OSBPL9: variants seen among roughly 807,000 people sequenced by gnomAD.
OSBPL9 encodes oxysterol-binding protein-related protein 9.
OSBPL9 carries 40 observed loss-of-function variants against 106.6 expected under a neutral mutation model. The observed-to-expected ratio is 0.38, with a 90% confidence interval of 0.29 to 0.49. OSBPL9 has a LOEUF of 0.49. OSBPL9 is among the 20% of genes least tolerant of loss of function. The pLI, the probability that OSBPL9 is intolerant of heterozygous loss-of-function variation, is 0.97. For synonymous variants in OSBPL9, 269 were observed against 295.4 expected (o/e 0.91, Z 0.92); for missense variants, 609 against 887.2 (o/e 0.69, Z 3.98).
At chr1:51,756,422 A>G (rs1217192364) in intron 9 of OSBPL9, 64 bp downstream of exon 9, 1 of 1,492,036 alleles carries the variant, frequency 6.7e-7, no homozygotes, top group African/African-American at 1.4e-5. Context: ...CAGTCATATC[A>G]GGAGAAGCCT....
chr1:51,735,580 A>G (rs1255614954), intron 4 of OSBPL9, among the ~76,000 whole-genome samples: 1 of 152,194 alleles, frequency 6.6e-6, no homozygotes, highest in Non-Finnish European at 1.5e-5. Flanking sequence ...GCTTGAATCA[A>G]TTATTTGTAG....
In OSBPL9 at chr1:51,729,826, AG is replaced by A; in HGVS notation, c.319-15705del. 1 of 1,165,370 alleles carries A rather than the reference AG, an allele frequency of 8.6e-7. No individual in the cohort carries two copies. The highest frequency in any genetic ancestry group is 1.1e-6 in the Non-Finnish European group (1 of 926,914). 72.2% of individuals were successfully genotyped at this position (1,165,370 alleles called of 1,614,324 possible). A position where few individuals can be genotyped will look rare whatever the true frequency, so the allele number is the denominator to read the frequency against. On this transcript the variant is annotated intron_variant, in intron 4 of 23. Coordinates refer to ENST00000428468, the MANE Select transcript of OSBPL9 (RefSeq NM_024586.6). This position sits in a 1 kb window ranked among gnomAD's most constrained non-coding sequence, Gnocchi z 5.1. ...AAGGGGTGGGGGGTGAAGGGGGTGAAGGGGGTGTCCCGGGGGACGGGCTGAA... is the reference window on the plus strand; with the variant it reads ...AAGGGGTGGGGGGTGAAGGGGGTGAAGGGGTGTCCCGGGGGACGGGCTGAA...
intron 1 of OSBPL9, among the ~76,000 whole-genome samples, chr1:51,622,483 C>T (rs191581674): frequency 9.9e-5 from 15 of 152,272 alleles, no homozygotes; most frequent in Admixed American, 7.2e-4. Flanking sequence ...TCATAGTTTT[C>T]GTGGGTCAGA....
chr1:51,711,745 C>T (rs1306333528), intron 3 of OSBPL9, among the ~76,000 whole-genome samples: 5 of 149,112 alleles, frequency 3.4e-5, no homozygotes, highest in South Asian at 2.1e-4. Context: ...GGGTCACGGC[C>T]GGGCAGAGGC....
chr1:51,657,324 C>T (rs1034010504), intron 2 of OSBPL9, among the ~76,000 whole-genome samples: 2 of 152,090 alleles, frequency 1.3e-5, no homozygotes, highest in Non-Finnish European at 2.9e-5. Flanking sequence ...GAGAAAGGGA[C>T]CATAGAGGAA....
At chr1:51,709,312 CCATG>C (rs1659314409) in intron 3 of OSBPL9, 3 of 217,336 alleles carry the variant, frequency 1.4e-5, no homozygotes, top group Non-Finnish European at 2.9e-5. Flanking sequence ...CACTGCTTCC[CCATG>C]CAAGCCCTCA....
At chr1:51,666,427 T>TA (rs200182999) in intron 2 of OSBPL9, among the ~76,000 whole-genome samples, 1,699 of 152,306 alleles carry the variant, frequency 0.011, 30 homozygotes, top group African/African-American at 0.037. Context: ...TTTAAAAATT[T>TA]AAAATATTAA....
the OSBPL9 span, among the ~76,000 whole-genome samples, chr1:51,518,698 G>C: frequency 6.6e-6 from 1 of 152,148 alleles, no homozygotes; most frequent in African/African-American, 2.4e-5. Context: ...ACTGGCTTGG[G>C]GGGCCTGCGC....
the OSBPL9 span, among the ~76,000 whole-genome samples, chr1:51,535,169 G>C: frequency 1.3e-5 from 2 of 152,174 alleles, no homozygotes; most frequent in African/African-American, 4.8e-5. Context: ...CAAATTGCGT[G>C]CAGCATCATT....
chr1:51,521,478 A>T, the OSBPL9 span, among the ~76,000 whole-genome samples: 6 of 152,354 alleles, frequency 3.9e-5, no homozygotes, highest in Non-Finnish European at 7.3e-5. Flanking sequence ...TCAGAGTGTG[A>T]CCGCAGGCAA....
chr1:51,661,617 A>G (rs939328104), intron 2 of OSBPL9, among the ~76,000 whole-genome samples: 6 of 152,190 alleles, frequency 3.9e-5, no homozygotes, highest in African/African-American at 1.4e-4. Flanking sequence ...TGAAAGATGT[A>G]TATGTTTATT....
chr1:51,525,079 A>G, the OSBPL9 span, among the ~76,000 whole-genome samples: 2 of 152,210 alleles, frequency 1.3e-5, no homozygotes, highest in African/African-American at 2.4e-5. Context: ...CATGAGTGTC[A>G]ACAGAAGACT....
intron 1 of OSBPL9, among the ~76,000 whole-genome samples, chr1:51,636,637 C>A (rs1008739531): frequency 6.6e-6 from 1 of 151,964 alleles, no homozygotes; most frequent in Middle Eastern, 3.2e-3. Flanking sequence ...CACACCCAAC[C>A]CAAATTGTCT....
In OSBPL9 at chr1:51,755,596, G is replaced by A. The variant is rs115302260; in HGVS notation, c.544-724G>A. Among the ~76,000 whole-genome samples the A allele has an allele frequency of 4.5e-3, 682 of 152,286 alleles. 7 individuals carry two copies. Among genetic ancestry groups the A allele is most frequent in the African/African-American group, 0.016 (654 of 41,564 alleles). On this transcript the variant is annotated intron_variant, in intron 8 of 23. Transcript: ENST00000428468. ...CAAGCCACAGCTGCCAGTTCGCCAC[G>A]CGATCACAAGGGTAGCCAGCTGAAA... is the stretch of plus-strand genomic sequence containing the variant.
At chr1:51,655,677 A>G (rs915462716) in intron 2 of OSBPL9, among the ~76,000 whole-genome samples, 11 of 152,202 alleles carry the variant, frequency 7.2e-5, no homozygotes, top group Admixed American at 5.2e-4. Flanking sequence ...TCTGCCTACT[A>G]CACAGCATGA....
rs1677933985 is a variant in OSBPL9, at chr1:51,787,395, T to G, written c.2043T>G (p.Ile681Met). The G allele has an allele frequency of 6.2e-7, 1 of 1,613,888 alleles. No homozygotes were observed. Among genetic ancestry groups the G allele is most frequent in the Non-Finnish European group, 8.5e-7 (1 of 1,179,918 alleles). Residue 681 changes from isoleucine to methionine, a missense_variant, in exon 23 of 24, where the codon ATT (isoleucine) becomes ATG (methionine). Ile to Met is a conservative substitution (Grantham distance 10, BLOSUM62 1). This residue lies in a region of OSBPL9 where 132 missense variants were observed against 158.1 expected (regional missense o/e 0.83). Coordinates refer to ENST00000428468, the MANE Select transcript of OSBPL9 (RefSeq NM_024586.6). ...DVTFNLKIRD[I>M]DAATEAKHRL... Reference sequence around the variant, plus strand: ...CTTTCAACTTAAAAATCAGAGACATTGATGCAGCAACTGAAGCAAAGCACA... The same window carrying G: ...CTTTCAACTTAAAAATCAGAGACATGGATGCAGCAACTGAAGCAAAGCACA...
the OSBPL9 span, among the ~76,000 whole-genome samples, chr1:51,518,959 G>A: frequency 6.6e-6 from 1 of 151,344 alleles, no homozygotes; most frequent in African/African-American, 2.4e-5. Flanking sequence ...AGGGCCGCGC[G>A]GGGCGGGGCA....
chr1:51,588,148 C>T (rs1645256812), intron 1 of OSBPL9, among the ~76,000 whole-genome samples: 2 of 152,174 alleles, frequency 1.3e-5, no homozygotes, highest in African/African-American at 4.8e-5. Flanking sequence ...TTTGGGAGGC[C>T]GAGGTGGGCA....
chr1:51,735,644 T>C (rs2148961333), intron 4 of OSBPL9, among the ~76,000 whole-genome samples: 1 of 152,388 alleles, frequency 6.6e-6, no homozygotes, highest in South Asian at 2.1e-4. Context: ...TGTGTCTGCT[T>C]CATCTTGGCA....
Sources: allele counts gnomAD v4.1 joint callset (sites outside exome capture counted in the v4.1 genomes callset), GRCh38; gene constraint gnomAD v4.1.1; regional missense constraint gnomAD v4.1.1; non-coding constraint Gnocchi (gnomAD v3.1); transcripts MANE v1.5; gene names NCBI Gene and HGNC (gene_info 2026-07-23, HGNC 2026-07-21).